PLXDC2: variants seen among roughly 807,000 people sequenced by gnomAD.
PLXDC2 encodes plexin domain containing 2.
Under a neutral mutation model 68.9 loss-of-function variants are expected in PLXDC2, and 40 were observed. The ratio of observed to expected loss-of-function variants is 0.58; its 90% CI spans 0.45 to 0.76. The LOEUF is 0.76. Among genes scored for constraint, PLXDC2 ranks in the 30% least tolerant of loss-of-function variants. The pLI, the probability that PLXDC2 is intolerant of heterozygous loss-of-function variation, is 0.00. For synonymous variants in PLXDC2, 243 were observed against 234.2 expected, an observed-to-expected ratio of 1.04 and a Z score of -0.34; for missense variants, 644 against 661.9, an observed-to-expected ratio of 0.97 and a Z score of 0.30.
chr10:19,820,844 G>A (rs904824633), intron 1 of PLXDC2, among the ~76,000 whole-genome samples: 1 of 152,136 alleles, frequency 6.6e-6, no homozygotes, highest in Admixed American at 6.5e-5. Context: ...TTGGGAGGCC[G>A]AGGTGGGCGG....
At chr10:19,888,078 G>C (rs1837882240) in intron 1 of PLXDC2, among the ~76,000 whole-genome samples, 1 of 152,220 alleles carries the variant, frequency 6.6e-6, no homozygotes, top group South Asian at 2.1e-4. Context: ...TCAGCTGTGA[G>C]AAATTGTTAA....
chr10:20,047,784 G>A (rs1835822340), intron 3 of PLXDC2, among the ~76,000 whole-genome samples: 1 of 152,078 alleles, frequency 6.6e-6, no homozygotes, highest in Non-Finnish European at 1.5e-5. Context: ...TTGCAGATAA[G>A]AGAACGGAGG....
intron 1 of PLXDC2, among the ~76,000 whole-genome samples, chr10:19,838,688 G>A (rs1836846734): frequency 6.6e-6 from 1 of 152,178 alleles, no homozygotes; most frequent in African/African-American, 2.4e-5. Context: ...TCTGAATTAT[G>A]CTTAATTGAA....
intron 12 of PLXDC2, among the ~76,000 whole-genome samples, chr10:20,223,754 G>T (rs1343366351): frequency 6.6e-6 from 1 of 152,098 alleles, no homozygotes; most frequent in South Asian, 2.1e-4. Flanking sequence ...ATGTAATTGT[G>T]TATTCATTTC....
At position 20,199,561 on chromosome 10, in the gene PLXDC2, A is replaced by G. The variant is rs369246348; in HGVS notation, c.1062-12108A>G. Among the ~76,000 whole-genome samples the G allele has an allele frequency of 3.5e-4, 53 of 152,118 alleles. 1 individual carries two copies. The East Asian group carries it at 7.3e-3, about 21-fold the overall frequency. ...AATGCAATGATTTAAGCTTCTTAACATTAGCAAAAATAGTTACTAACAAAA... is the reference window on the plus strand; with the variant it reads ...AATGCAATGATTTAAGCTTCTTAACGTTAGCAAAAATAGTTACTAACAAAA... On this transcript the variant is annotated intron_variant, in intron 9 of 13. Coordinates refer to ENST00000377252, the MANE Select transcript of PLXDC2 (RefSeq NM_032812.9).
At chr10:19,871,439 T>C (rs74119779) in intron 1 of PLXDC2, among the ~76,000 whole-genome samples, 19,640 of 152,172 alleles carry the variant, frequency 0.13, 2,009 homozygotes, top group African/African-American at 0.28. Context: ...TTATAAGGTT[T>C]CCTTTTTTAA....
intron 1 of PLXDC2, among the ~76,000 whole-genome samples, chr10:19,928,749 CTTTTT>C (rs796581734): frequency 9.5e-6 from 1 of 105,196 alleles, no homozygotes; most frequent in East Asian, 2.7e-4. Flanking sequence ...GAAGATAGGA[CTTTTT>C]TTTTTTTTTT....
intron 1 of PLXDC2, among the ~76,000 whole-genome samples, chr10:19,917,877 A>G (rs1230028712): frequency 1.3e-5 from 2 of 152,192 alleles, no homozygotes; most frequent in Admixed American, 6.5e-5. Flanking sequence ...ACACACAATC[A>G]TGATCAGTTT....
intron 4 of PLXDC2, among the ~76,000 whole-genome samples, chr10:20,083,460 G>C (rs1836614041): frequency 2.6e-5 from 3 of 116,432 alleles, no homozygotes; most frequent in South Asian, 2.7e-4. Context: ...CTGGGCAACA[G>C]AGCGAGACTC....
At chr10:19,978,000 A>T (rs1175414006) in intron 1 of PLXDC2, among the ~76,000 whole-genome samples, 12 of 152,170 alleles carry the variant, frequency 7.9e-5, no homozygotes, top group Admixed American at 7.9e-4. Flanking sequence ...TGAGCAGATC[A>T]TCTGGTAGTC....
At chr10:20,241,015 A>G (rs1835508820) in intron 12 of PLXDC2, among the ~76,000 whole-genome samples, 1 of 152,204 alleles carries the variant, frequency 6.6e-6, no homozygotes, top group East Asian at 1.9e-4. Flanking sequence ...TATTAAAATA[A>G]TCGTCATCCA....
chr10:20,162,078 A>G (rs1834306085), intron 6 of PLXDC2, among the ~76,000 whole-genome samples: 1 of 94,348 alleles, frequency 1.1e-5, no homozygotes, highest in African/African-American at 3.8e-5. Flanking sequence ...GAGAGAAGGA[A>G]GGAAGGAAGG....
intron 13 of PLXDC2, among the ~76,000 whole-genome samples, chr10:20,257,888 G>T (rs1480729995): frequency 1.3e-5 from 2 of 151,410 alleles, no homozygotes; most frequent in Non-Finnish European, 2.9e-5. Flanking sequence ...TTTACTAAGA[G>T]AATAAATTGA....
intron 4 of PLXDC2, among the ~76,000 whole-genome samples, chr10:20,094,162 T>A (rs1434160933): frequency 1.3e-5 from 2 of 152,226 alleles, no homozygotes; most frequent in African/African-American, 4.8e-5. Context: ...AAAGCCTTCA[T>A]CTGTAGATGA....
chr10:20,224,105 C>T (rs1835255236), intron 12 of PLXDC2, among the ~76,000 whole-genome samples: 1 of 151,836 alleles, frequency 6.6e-6, no homozygotes, highest in Non-Finnish European at 1.5e-5. Context: ...TCCCAAGTAG[C>T]TGGGATTACA....
chr10:19,956,034 G>A (rs1435397929), intron 1 of PLXDC2, among the ~76,000 whole-genome samples: 2 of 152,062 alleles, frequency 1.3e-5, no homozygotes, highest in African/African-American at 2.4e-5. Flanking sequence ...AGCCAAGACT[G>A]CGGCATTGCA....
At chr10:19,847,351 G>T (rs546886592) in intron 1 of PLXDC2, among the ~76,000 whole-genome samples, 5 of 152,286 alleles carry the variant, frequency 3.3e-5, no homozygotes, top group African/African-American at 1.2e-4. Context: ...AACTGCTTCT[G>T]GGAACTCAGA....
intron 10 of PLXDC2, among the ~76,000 whole-genome samples, chr10:20,214,991 T>A (rs146192725): frequency 9.9e-5 from 15 of 152,186 alleles, no homozygotes; most frequent in African/African-American, 3.4e-4. Context: ...ACTGGAAATA[T>A]AGATTTATGA....
intron 1 of PLXDC2, among the ~76,000 whole-genome samples, chr10:19,979,204 G>A (rs975508537): frequency 6.6e-6 from 1 of 152,044 alleles, no homozygotes; most frequent in Admixed American, 6.5e-5. Context: ...ATAGAAAAAA[G>A]GAAGGGGGAG....
Sources: allele counts gnomAD v4.1 joint callset (sites outside exome capture counted in the v4.1 genomes callset), GRCh38; gene constraint gnomAD v4.1.1; transcripts MANE v1.5; gene names NCBI Gene and HGNC (gene_info 2026-07-23, HGNC 2026-07-21).